Variants in MAP4 observed in about 807,000 individuals in gnomAD.
MAP4 encodes microtubule associated protein 4, also known as microtubule-associated protein 4.
A neutral mutation model predicts 170.2 loss-of-function variants in MAP4; 76 were observed. That is an observed-to-expected ratio of 0.45 (90% CI 0.37 to 0.54). MAP4 has a LOEUF of 0.54. MAP4 is among the 20% of genes least tolerant of loss of function. The probability of loss-of-function intolerance (pLI) is 0.00; values close to 1 mark genes in which losing one functional copy is unlikely to be tolerated. For synonymous variants in MAP4, 909 were observed against 994.5 expected, an observed-to-expected ratio of 0.91 and a Z score of 1.62; for missense variants, 2,506 against 2,748.0, an observed-to-expected ratio of 0.91 and a Z score of 1.97.
intron 3 of MAP4, chr3:47,975,313 C>T (rs2100081324): frequency 1.3e-6 from 2 of 1,521,222 alleles, no homozygotes; most frequent in Admixed American, 2.0e-5. Context: ...AAATAGGCCC[C>T]GAAGAACTAC....
intron 1 of MAP4, among the ~76,000 whole-genome samples, chr3:48,041,111 AATTT>A (rs1210465921): frequency 6.6e-6 from 1 of 152,098 alleles, no homozygotes; most frequent in South Asian, 2.1e-4. Flanking sequence ...AGAAGTGAAC[AATTT>A]ATTTATTTAT....
chr3:47,851,523 G>GCCCTTGGAATC lies in MAP4; in HGVS notation c.*1400_*1410dup, dbSNP rs1403711505. ...CTGCAGCCAATCCCCCTCCAGAGAA[G>GCCCTTGGAATC]CCCTTGGAATCTCCCAGGCCATTTC... On this transcript the variant is annotated 3_prime_UTR_variant, in exon 21 of 21. Coordinates refer to ENST00000683076, the MANE Select transcript of MAP4 (RefSeq NM_001385682.1). The GCCCTTGGAATC allele has an allele frequency of 6.6e-6, 1 of 152,236 alleles. No homozygotes were observed. The highest frequency in any genetic ancestry group is 2.4e-5 in the African/African-American group (1 of 41,436). 9.4% of individuals were successfully genotyped at this position (152,236 alleles called of 1,614,324 possible).
At chr3:48,002,954 A>AAAATAAATAAAT (rs55814118) in intron 1 of MAP4, among the ~76,000 whole-genome samples, 5,385 of 144,718 alleles carry the variant, frequency 0.037, 110 homozygotes, top group South Asian at 0.06. Context: ...ATTAAGGCCA[A>AAAATAAATAAAT]AAATAAATAA....
At chr3:47,956,250 C>G (rs1350477744) in intron 3 of MAP4, among the ~76,000 whole-genome samples, 1 of 152,168 alleles carries the variant, frequency 6.6e-6, no homozygotes, top group African/African-American at 2.4e-5. Context: ...GCATTGAGTT[C>G]TGTTGCATTG....
At chr3:47,887,790 G>A (rs998996828) in intron 10 of MAP4, among the ~76,000 whole-genome samples, 5 of 152,122 alleles carry the variant, frequency 3.3e-5, no homozygotes, top group Non-Finnish European at 7.3e-5. Context: ...TCTGTATCTA[G>A]CTGCTCTGGT....
At chr3:47,897,472 G>C (rs2100027520) in intron 10 of MAP4, among the ~76,000 whole-genome samples, 1 of 151,848 alleles carries the variant, frequency 6.6e-6, no homozygotes, top group Non-Finnish European at 1.5e-5. Context: ...ACTTTAATTT[G>C]GAATTATAAT....
chr3:47,965,707 GA>G, intron 3 of MAP4, among the ~76,000 whole-genome samples: 1 of 152,186 alleles, frequency 6.6e-6, no homozygotes, highest in South Asian at 2.1e-4. Context: ...CTTTTATGAA[GA>G]AATGTTTCTT....
chr3:48,002,845 CCA>C (rs2100099973), intron 1 of MAP4, among the ~76,000 whole-genome samples: 1 of 151,530 alleles, frequency 6.6e-6, no homozygotes, highest in Non-Finnish European at 1.5e-5. Context: ...CCACTGTACT[CCA>C]GCCTGGGTGA....
At chr3:48,006,816 CT>C (rs1301982588) in intron 1 of MAP4, among the ~76,000 whole-genome samples, 1 of 152,184 alleles carries the variant, frequency 6.6e-6, no homozygotes, top group Non-Finnish European at 1.5e-5. Context: ...TTATCATAAG[CT>C]TAACCAAGTG....
intron 1 of MAP4, among the ~76,000 whole-genome samples, chr3:48,078,880 C>T (rs2100145183): frequency 6.6e-6 from 1 of 152,176 alleles, no homozygotes; most frequent in Non-Finnish European, 1.5e-5. Context: ...CCAAAAATCT[C>T]AATCCTGGGC....
intron 1 of MAP4, among the ~76,000 whole-genome samples, chr3:48,050,043 G>C (rs536257599): frequency 1.3e-5 from 2 of 149,854 alleles, no homozygotes; most frequent in Admixed American, 1.3e-4. Context: ...GTGGATCACC[G>C]GAGGTCAAGA....
intron 1 of MAP4, among the ~76,000 whole-genome samples, chr3:48,009,877 T>C (rs1287766294): frequency 6.6e-6 from 1 of 152,116 alleles, no homozygotes; most frequent in East Asian, 1.9e-4. Context: ...ACAACAATGA[T>C]TCCATTAAAC....
At chr3:47,864,145 G>A (rs1166138572) in intron 17 of MAP4, among the ~76,000 whole-genome samples, 2 of 152,042 alleles carry the variant, frequency 1.3e-5, no homozygotes, top group African/African-American at 4.8e-5. Flanking sequence ...ATGCTGCCAG[G>A]CACATGTCTA....
At position 47,910,106 on chromosome 3, in the gene MAP4, C is replaced by G. The variant is rs774355545; in HGVS notation, c.4315G>C (p.Ala1439Pro). The change falls in exon 9 of 21, where the codon GCC becomes CCC. Residue 1439 changes from alanine to proline, a missense_variant. Physicochemically the swap from Ala to Pro is conservative, Grantham distance 27 (BLOSUM62 -1). Transcript: ENST00000683076. ...GTAGGAGTGGGCAGTTTTTCACAGGCTGCTGATTCCAGAACCTCTAGAGGA... is the reference window on the plus strand; with the variant it reads ...GTAGGAGTGGGCAGTTTTTCACAGGGTGCTGATTCCAGAACCTCTAGAGGA... ...SSPLEVLESA[A>P]CEKLPTPTPQ... The G allele has an allele frequency of 1.9e-6, 3 of 1,613,966 alleles. No individual in the cohort carries two copies. The highest frequency in any genetic ancestry group is 2.5e-6 in the Non-Finnish European group (3 of 1,179,876).
intron 8 of MAP4, among the ~76,000 whole-genome samples, chr3:47,914,075 T>C (rs1468756701): frequency 1.3e-5 from 2 of 152,184 alleles, no homozygotes; most frequent in African/African-American, 4.8e-5. Context: ...TCTCAGGTAA[T>C]GTAGATGCTG....
intron 3 of MAP4, among the ~76,000 whole-genome samples, chr3:47,943,787 T>C (rs538126566): frequency 7.9e-5 from 12 of 152,208 alleles, no homozygotes; most frequent in South Asian, 2.1e-4. Context: ...TAAGATCACA[T>C]AGCACACTTG....
chr3:48,009,781 A>G (rs1283728051), intron 1 of MAP4, among the ~76,000 whole-genome samples: 7 of 152,118 alleles, frequency 4.6e-5, no homozygotes, highest in Non-Finnish European at 7.3e-5. Flanking sequence ...TCCACTAGCA[A>G]AATTTTTGCT....
intron 1 of MAP4, among the ~76,000 whole-genome samples, chr3:48,055,394 C>T (rs1159745290): frequency 2.6e-5 from 4 of 152,036 alleles, no homozygotes; most frequent in Non-Finnish European, 5.9e-5. Context: ...TTGGTGGAGA[C>T]GGGGTTTCGC....
intron 1 of MAP4, among the ~76,000 whole-genome samples, chr3:48,036,742 A>AAAACCAAATGAGTGAAGGCGG (rs1236422823): frequency 2.0e-5 from 3 of 152,250 alleles, no homozygotes; most frequent in Non-Finnish European, 4.4e-5. Context: ...TATGCATATG[A>AAAACCAAATGAGTGAAGGCGG]AAACCAAATG....
Sources: allele counts gnomAD v4.1 joint callset (sites outside exome capture counted in the v4.1 genomes callset), GRCh38; gene constraint gnomAD v4.1.1; transcripts MANE v1.5; gene names NCBI Gene and HGNC (gene_info 2026-07-23, HGNC 2026-07-21).